Variants in PGCKA1 observed in about 807,000 individuals in gnomAD.
PGCKA1 encodes the protein PDCD10 and GCKIII kinases associated 1.
the PGCKA1 span, among the ~76,000 whole-genome samples, chr4:37,535,220 C>T: frequency 2.8e-4 from 42 of 152,250 alleles, no homozygotes; most frequent in African/African-American, 8.7e-4. Flanking sequence ...GACAGCGTGA[C>T]GTGTTTTTGA....
the PGCKA1 span, among the ~76,000 whole-genome samples, chr4:37,474,059 G>T: frequency 4.0e-4 from 61 of 152,228 alleles, no homozygotes; most frequent in African/African-American, 1.4e-3. Context: ...CATTGCTATG[G>T]TTTGAATGTG....
chr4:37,518,931 T>C, the PGCKA1 span, among the ~76,000 whole-genome samples: 2 of 152,224 alleles, frequency 1.3e-5, no homozygotes, highest in Non-Finnish European at 2.9e-5. Context: ...TAATCCATTT[T>C]GATTGATTTT....
At chr4:37,463,106 T>C in the PGCKA1 span, among the ~76,000 whole-genome samples, 2 of 152,142 alleles carry the variant, frequency 1.3e-5, no homozygotes, top group Non-Finnish European at 2.9e-5. Flanking sequence ...CTCCCATAAG[T>C]TGGAGGTTGT....
the PGCKA1 span, among the ~76,000 whole-genome samples, chr4:37,524,032 C>A: frequency 6.6e-5 from 10 of 152,224 alleles, no homozygotes; most frequent in East Asian, 1.9e-3. Flanking sequence ...CATAGCATTT[C>A]TTTCACAGCT....
chr4:37,465,896 C>T, the PGCKA1 span, among the ~76,000 whole-genome samples: 1 of 152,168 alleles, frequency 6.6e-6, no homozygotes, highest in African/African-American at 2.4e-5. Context: ...AAATGTGACA[C>T]TCTTCTAGAA....
chr4:37,542,754 T>G, the PGCKA1 span, among the ~76,000 whole-genome samples: 2 of 152,198 alleles, frequency 1.3e-5, no homozygotes, highest in Non-Finnish European at 2.9e-5. Context: ...CTCCAGAATA[T>G]TCAGAAAGAT....
chr4:37,587,917 C>T, the PGCKA1 span, among the ~76,000 whole-genome samples: 4 of 151,766 alleles, frequency 2.6e-5, no homozygotes, highest in Non-Finnish European at 4.4e-5. Context: ...TGCAGTGAGC[C>T]GAGATTGCGC....
the PGCKA1 span, among the ~76,000 whole-genome samples, chr4:37,555,025 A>G: frequency 7.2e-3 from 1,102 of 152,306 alleles, 4 homozygotes; most frequent in Middle Eastern, 0.02. Context: ...TTTTCATTAC[A>G]TAGCTGGCTC....
At chr4:37,554,233 G>A in the PGCKA1 span, among the ~76,000 whole-genome samples, 308 of 152,296 alleles carry the variant, frequency 2.0e-3, 1 homozygote, top group African/African-American at 6.9e-3. Flanking sequence ...CCCCAGCCAC[G>A]TGGAACTGTG....
chr4:37,482,134 T>C, the PGCKA1 span, among the ~76,000 whole-genome samples: 1 of 152,176 alleles, frequency 6.6e-6, no homozygotes, highest in Non-Finnish European at 1.5e-5. Context: ...AATAAACTAA[T>C]ACAGCAAATT....
At chr4:37,516,596 T>C in the PGCKA1 span, among the ~76,000 whole-genome samples, 1 of 152,216 alleles carries the variant, frequency 6.6e-6, no homozygotes, top group South Asian at 2.1e-4. Flanking sequence ...GCACCCTGTT[T>C]TGGAGCCCAC....
the PGCKA1 span, among the ~76,000 whole-genome samples, chr4:37,551,897 T>C: frequency 6.6e-6 from 1 of 152,160 alleles, no homozygotes; most frequent in East Asian, 1.9e-4. Context: ...TATAAATCAC[T>C]ATCAATCTAT....
At chr4:37,501,832 G>GT in the PGCKA1 span, among the ~76,000 whole-genome samples, 2 of 152,148 alleles carry the variant, frequency 1.3e-5, no homozygotes, top group African/African-American at 4.8e-5. Context: ...AGGCACTCTG[G>GT]TTTTTTGAGT....
the PGCKA1 span, among the ~76,000 whole-genome samples, chr4:37,565,996 G>A: frequency 5.3e-5 from 8 of 152,052 alleles, no homozygotes; most frequent in Non-Finnish European, 1.0e-4. Flanking sequence ...CTCAAACATC[G>A]GACTCCACGT....
At chr4:37,579,441 G>A in the PGCKA1 span, among the ~76,000 whole-genome samples, 2 of 152,156 alleles carry the variant, frequency 1.3e-5, no homozygotes, top group Non-Finnish European at 2.9e-5. Context: ...AGCATTTCTT[G>A]TAAGATAGAA....
At chr4:37,570,429 CAAAAAAAAA>C in the PGCKA1 span, among the ~76,000 whole-genome samples, 2 of 117,578 alleles carry the variant, frequency 1.7e-5, no homozygotes, top group African/African-American at 6.4e-5. Context: ...ATGTTTCTGC[CAAAAAAAAA>C]AAAAAAAAAA....
At chr4:37,587,443 C>T in the PGCKA1 span, among the ~76,000 whole-genome samples, 13 of 152,134 alleles carry the variant, frequency 8.5e-5, no homozygotes, top group Non-Finnish European at 1.8e-4. Context: ...TAAATCTAGT[C>T]CCTTTTAACT....
the PGCKA1 span, among the ~76,000 whole-genome samples, chr4:37,565,371 G>GA: frequency 3.9e-5 from 6 of 152,262 alleles, no homozygotes; most frequent in African/African-American, 1.4e-4. Flanking sequence ...TCCTCATGTA[G>GA]AAGGGGGGGC....
At chr4:37,500,079 T>C in the PGCKA1 span, among the ~76,000 whole-genome samples, 1 of 151,930 alleles carries the variant, frequency 6.6e-6, no homozygotes, top group Non-Finnish European at 1.5e-5. Context: ...CCCGCCACCA[T>C]GCCCGGCTAA....
Sources: gnomAD v4.1 joint callset for allele counts (sites outside exome capture counted in the v4.1 genomes callset) on GRCh38, gnomAD v4.1.1 for gene constraint, MANE v1.5 for transcripts, NCBI Gene and HGNC (gene_info 2026-07-23, HGNC 2026-07-21) for gene names.